NUDT11: variants seen among roughly 807,000 people sequenced by gnomAD.
NUDT11 encodes diphosphoinositol polyphosphate phosphohydrolase 3-beta.
Under a neutral mutation model 10.0 loss-of-function variants are expected in NUDT11, and 1 was observed. The ratio of observed to expected loss-of-function variants is 0.10; its 90% confidence interval spans 0.04 to 0.47. NUDT11 has a LOEUF of 0.47. NUDT11 is among the 20% of genes least tolerant of loss of function. NUDT11 has a pLI of 0.96. For missense variants in NUDT11, 47 were observed against 140.4 expected (o/e 0.33, Z 3.36); for synonymous variants, 63 against 65.9 (o/e 0.96, Z 0.21).
chrX:51,496,248 A>C lies in NUDT11; in HGVS notation c.197T>G (p.Val66Gly), dbSNP rs1925705588. The C allele has an allele frequency of 8.3e-7, 1 of 1,205,038 alleles. No homozygotes were observed. Among genetic ancestry groups the C allele is most frequent in the East Asian group, 3.0e-5 (1 of 33,576 alleles). ...CCCCTTGACTCCCGCTTCTTCGTAC[A>C]CCTCTCGGACCGCCGCACCGCCCGG... ...EEPGGAAVRE[V>G]YEEAGVKGKL... The change falls in exon 1 of 2, where the codon GTG becomes GGG. Residue 66 changes from valine to glycine, a missense_variant. Physicochemically the swap from Val to Gly is moderately radical, Grantham distance 109. Coordinates refer to ENST00000375992, the MANE Select transcript of NUDT11 (RefSeq NM_018159.4).
At position 51,496,526 on chromosome X, in the gene NUDT11, A is replaced by T; in HGVS notation, c.-82T>A. The T allele has an allele frequency of 2.6e-6, 3 of 1,176,291 alleles. No homozygotes were observed. The highest frequency in any genetic ancestry group is 3.9e-5 in the South Asian group (2 of 51,310). On this transcript the variant is annotated 5_prime_UTR_variant, in exon 1 of 2. Transcript: ENST00000375992. The stretch of plus-strand genomic sequence containing the variant: ...GCCGCTGCCGCTGCCGCCGCCGGGG[A>T]ACAGCCGAGGTGCTGGGAAGAGAAA...
At chrX:51,493,746 G>GAA (rs1168445703) in intron 1 of NUDT11, among the ~76,000 whole-genome samples, 1 of 101,373 alleles carries the variant, frequency 9.9e-6, no homozygotes. Flanking sequence ...AGTGTTTCTG[G>GAA]AAAAAAAAAA....
At chrX:51,494,519 G>C (rs1422179891) in intron 1 of NUDT11, among the ~76,000 whole-genome samples, 1 of 111,038 alleles carries the variant, frequency 9.0e-6, no homozygotes, top group Non-Finnish European at 1.9e-5. Flanking sequence ...CTGTTTAGCA[G>C]CATAAAAAAT....
At position 51,490,069 on chromosome X, in the gene NUDT11, G is replaced by A. The variant is rs1225246006; in HGVS notation, c.*1680C>T. The A allele has an allele frequency of 2.7e-5, 3 of 111,551 alleles. No individual in the cohort carries two copies. Among genetic ancestry groups the A allele is most frequent in the African/African-American group, 9.8e-5 (3 of 30,697 alleles). The allele number at this position is 111,551 out of a possible 1,213,427, so 9.2% of individuals were successfully genotyped here. Reference sequence around the variant, plus strand: ...AACATATACAAAAGTATAGAGAATAGTATAATGAACTCTCAAACATCCATC... The same window carrying A: ...AACATATACAAAAGTATAGAGAATAATATAATGAACTCTCAAACATCCATC... On this transcript the variant is annotated 3_prime_UTR_variant, in exon 2 of 2. Transcript: ENST00000375992.
rs1925564936 is a variant in NUDT11, at chrX:51,490,269, C to T, written c.*1480G>A. On this transcript the variant is annotated 3_prime_UTR_variant, in exon 2 of 2. Transcript: ENST00000375992. ...TTTTAAAACAACATAACCACAGTACCATATCACATCTTAAAAAACAATAAA... is the reference window on the plus strand; with the variant it reads ...TTTTAAAACAACATAACCACAGTACTATATCACATCTTAAAAAACAATAAA... 9.0e-6 allele frequency: 1 copy of T among 111,452 alleles called. No individual in the cohort carries two copies. The highest frequency in any genetic ancestry group is 1.9e-5 in the Non-Finnish European group (1 of 53,103). The allele number at this position is 111,452 out of a possible 1,213,427, so 9.2% of individuals were successfully genotyped here.
At chrX:51,494,743 G>GCT (rs1925664959) in intron 1 of NUDT11, among the ~76,000 whole-genome samples, 1 of 111,658 alleles carries the variant, frequency 9.0e-6, no homozygotes, top group Non-Finnish European at 1.9e-5. Context: ...TGATGTAGAT[G>GCT]CTGGTCACCT....
rs1925715072 is a variant in NUDT11, at chrX:51,496,529, A to T, written c.-85T>A. 8.5e-6 allele frequency: 10 copies of T among 1,171,140 alleles called. No individual in the cohort carries two copies. The highest frequency in any genetic ancestry group is 1.1e-5 in the Non-Finnish European group (10 of 872,252). ...GCTGCCGCTGCCGCCGCCGGGGAACAGCCGAGGTGCTGGGAAGAGAAAGGG... is the reference window on the plus strand; with the variant it reads ...GCTGCCGCTGCCGCCGCCGGGGAACTGCCGAGGTGCTGGGAAGAGAAAGGG... On this transcript the variant is annotated 5_prime_UTR_variant, in exon 1 of 2. Coordinates refer to ENST00000375992, the MANE Select transcript of NUDT11 (RefSeq NM_018159.4).
In NUDT11 at chrX:51,490,600, T is replaced by A. The variant is rs1557326103; in HGVS notation, c.*1149A>T. 8.9e-6 allele frequency: 1 copy of A among 111,927 alleles called. No homozygotes were observed. The highest frequency in any genetic ancestry group is 2.8e-4 in the East Asian group (1 of 3,570). The allele number at this position is 111,927 out of a possible 1,213,427, so 9.2% of individuals were successfully genotyped here. A position where few individuals can be genotyped will look rare whatever the true frequency, so the allele number is the denominator to read the frequency against. On this transcript the variant is annotated 3_prime_UTR_variant, in exon 2 of 2. Coordinates refer to ENST00000375992, the MANE Select transcript of NUDT11 (RefSeq NM_018159.4). ...GGCAGCTGATGCAAGTCCTCTTTTT[T>A]AAAAAAACCTTCACTTTGTGTTCCC... is the stretch of plus-strand genomic sequence containing the variant.
rs1404713468 is a variant in NUDT11 at position 51,491,146 on chromosome X, C to A, written c.*603G>T. The A allele has an allele frequency of 8.9e-6, 1 of 112,397 alleles. No homozygotes were observed. The highest frequency in any genetic ancestry group is 1.9e-5 in the Non-Finnish European group (1 of 53,241). The allele number at this position is 112,397 out of a possible 1,213,427, so 9.3% of individuals were successfully genotyped here. A position where few individuals can be genotyped will look rare whatever the true frequency, so the allele number is the denominator to read the frequency against. ...GTTGTTACACGAAGGACTGATTCTA[C>A]AAAACATTACCCTAGGTGATGGCAT... On this transcript the variant is annotated 3_prime_UTR_variant, in exon 2 of 2. Coordinates refer to ENST00000375992, the MANE Select transcript of NUDT11 (RefSeq NM_018159.4).
In NUDT11 at chrX:51,496,037, G is replaced by A. The variant is rs782024387; in HGVS notation, c.408C>T (p.His136=). The A allele has an allele frequency of 3.3e-6, 4 of 1,208,236 alleles. No homozygotes were observed. The Admixed American group carries it at 6.5e-5, about 20-fold the overall frequency. The change falls in exon 1 of 2, where the codon CAC becomes CAT. Residue 136 remains histidine, a synonymous_variant. Transcript: ENST00000375992. ...GCTTTAGTTTCTCCAGATATTCGGC[G>A]TGCACGGGCTTGTGGCACTGGAGAA... ...IKVLQCHKPV[H]AEYLEKLKLG...
Position 51,495,969 on chromosome X carries a change from G to T in NUDT11, c.476C>A (p.Ser159Ter), listed in dbSNP as rs782457655. ...PTNGNSMAPS[S>*]PDSDP is the part of the protein sequence containing the mutation. Reference sequence around the variant, plus strand: ...TACATACTAGGGATCGCTATCTGGCGAGGATGGGGCCATGGAGTTTCCATT... The same window carrying T: ...TACATACTAGGGATCGCTATCTGGCTAGGATGGGGCCATGGAGTTTCCATT... Residue 159 changes from serine to a stop codon, truncating the protein, a stop_gained, in exon 1 of 2, where the codon TCG becomes TAG. Coordinates refer to ENST00000375992, the MANE Select transcript of NUDT11 (RefSeq NM_018159.4). LOFTEE classifies it high-confidence loss of function. 3.3e-6 allele frequency: 4 copies of T among 1,206,307 alleles called. No individual in the cohort carries two copies. The East Asian group carries it at 1.2e-4, about 36-fold the overall frequency.
intron 1 of NUDT11, among the ~76,000 whole-genome samples, chrX:51,495,706 G>A (rs1925685376): frequency 1.0e-5 from 1 of 97,542 alleles, no homozygotes; most frequent in African/African-American, 3.8e-5. Flanking sequence ...AGGCTTCCCC[G>A]AAACATTTTA....
At chrX:51,495,331 A>C (rs1925676133) in intron 1 of NUDT11, among the ~76,000 whole-genome samples, 1 of 111,950 alleles carries the variant, frequency 8.9e-6, no homozygotes, top group Admixed American at 9.5e-5. Flanking sequence ...AGGATTTCCC[A>C]ATTTTTAAAA....
At chrX:51,494,067 C>T (rs1334507835) in intron 1 of NUDT11, among the ~76,000 whole-genome samples, 2 of 111,557 alleles carry the variant, frequency 1.8e-5, no homozygotes, top group African/African-American at 6.5e-5. Flanking sequence ...TCTTAAGATC[C>T]ATTTTAGACT....
intron 1 of NUDT11, among the ~76,000 whole-genome samples, chrX:51,493,865 A>T (rs1254932250): frequency 6.2e-5 from 7 of 112,074 alleles, no homozygotes; most frequent in Non-Finnish European, 1.1e-4. Flanking sequence ...CTTAAGAACC[A>T]AATAAGATGA....
In NUDT11 at chrX:51,493,985, C is replaced by G. The variant is rs1238941573; in HGVS notation, c.494+1966G>C. Among the ~76,000 whole-genome samples the G allele has an allele frequency of 2.7e-5, 3 of 111,712 alleles. No individual in the cohort carries two copies. In the Admixed American group the frequency reaches 2.9e-4, roughly 11 times the overall value. ...TACAAAAATATCCATAAAATACAAT[C>G]TAGTATACCTCCTAGGTCAATATTA... On this transcript the variant is annotated intron_variant, in intron 1 of 1. Transcript: ENST00000375992.
intron 1 of NUDT11, among the ~76,000 whole-genome samples, chrX:51,492,872 A>T (rs1320800808): frequency 1.8e-5 from 2 of 112,550 alleles, no homozygotes; most frequent in African/African-American, 6.5e-5. Flanking sequence ...GCTCCCCCAC[A>T]AGGGAATTCT....
chrX:51,494,949 C>T (rs1311217371), intron 1 of NUDT11, among the ~76,000 whole-genome samples: 1 of 111,609 alleles, frequency 9.0e-6, no homozygotes, highest in Non-Finnish European at 1.9e-5. Flanking sequence ...CGGAATGTCA[C>T]TACATTCAAA....
rs1925566087 is a variant in NUDT11 at position 51,490,299 on chromosome X, G to A, written c.*1450C>T. On this transcript the variant is annotated 3_prime_UTR_variant, in exon 2 of 2. Transcript: ENST00000375992. Reference sequence around the variant, plus strand: ...CACATCTTAAAAAACAATAAATCAAGAAGTTATATTTTTATTTCAAATTAT... The same window carrying A: ...CACATCTTAAAAAACAATAAATCAAAAAGTTATATTTTTATTTCAAATTAT... The A allele has an allele frequency of 9.0e-6, 1 of 111,591 alleles. No homozygotes were observed. The highest frequency in any genetic ancestry group is 1.9e-5 in the Non-Finnish European group (1 of 53,108). The allele number at this position is 111,591 out of a possible 1,213,427, so 9.2% of individuals were successfully genotyped here.
Sources: allele counts gnomAD v4.1 joint callset (sites outside exome capture counted in the v4.1 genomes callset), GRCh38; gene constraint gnomAD v4.1.1; transcripts MANE v1.5; gene names NCBI Gene and HGNC (gene_info 2026-07-23, HGNC 2026-07-21).